Variants in PCDHA12 observed in about 807,000 individuals in gnomAD.
PCDHA12 encodes protocadherin alpha 12.
A neutral mutation model predicts 60.0 loss-of-function variants in PCDHA12; 44 were observed. The observed-to-expected ratio is 0.73, with a 90% CI of 0.58 to 0.94. PCDHA12 has a LOEUF of 0.94. PCDHA12 is among the 40% of genes least tolerant of loss of function. The pLI, the probability that PCDHA12 is intolerant of heterozygous loss-of-function variation, is 0.00. For synonymous variants in PCDHA12, 569 were observed against 553.0 expected (o/e 1.03, Z -0.40); for missense variants, 1,276 against 1,239.7 (o/e 1.03, Z -0.44).
At chr5:141,000,743 T>TA (rs527867626) in intron 3 of PCDHA12, among the ~76,000 whole-genome samples, 4,963 of 145,376 alleles carry the variant, frequency 0.034, 280 homozygotes, top group African/African-American at 0.12. Flanking sequence ...CTCTGTATAT[T>TA]AAAAAAAAAA....
intron 1 of PCDHA12, among the ~76,000 whole-genome samples, chr5:140,935,913 GACAGATTC>G (rs1178474379): frequency 8.0e-6 from 1 of 125,106 alleles, no homozygotes; most frequent in Admixed American, 8.3e-5. Context: ...TTTTTTTTGA[GACAGATTC>G]TCATTCTGTT....
Position 140,904,868 on chromosome 5 carries a change from C to T in PCDHA12, c.2367+27029C>T, listed in dbSNP as rs188578381. 2.9e-3 allele frequency among the ~76,000 whole-genome samples: 446 copies of T among 152,022 alleles called. 2 individuals are homozygous for T. Among genetic ancestry groups the T allele is most frequent in the Middle Eastern group, 0.014 (4 of 294 alleles). Reference sequence around the variant, plus strand: ...TCTTCTGAGAATTGTCTGTTTATGTCCTTAGCTCACTTTTTGATGGGATTT... The same window carrying T: ...TCTTCTGAGAATTGTCTGTTTATGTTCTTAGCTCACTTTTTGATGGGATTT... On this transcript the variant is annotated intron_variant, in intron 1 of 3. Transcript: ENST00000398631.
At chr5:140,958,495 C>A (rs559117374) in intron 1 of PCDHA12, among the ~76,000 whole-genome samples, 1 of 152,020 alleles carries the variant, frequency 6.6e-6, no homozygotes, top group Non-Finnish European at 1.5e-5. Flanking sequence ...TCCACATATC[C>A]TAGGAGGCAT....
At position 140,883,032 on chromosome 5, in the gene PCDHA12, C is replaced by G. The variant is rs2153389895; in HGVS notation, c.2367+5193C>G. The G allele has an allele frequency of 6.2e-6, 10 of 1,614,064 alleles. No individual in the cohort carries two copies. The South Asian group carries it at 8.8e-5, about 14-fold the overall frequency. ...TATAAAGTGACGGTGTTAGAGAACG[C>G]CTTCAATGGAACATTAGTGATCAAG... On this transcript the variant is annotated intron_variant, in intron 1 of 3. Transcript: ENST00000398631.
intron 1 of PCDHA12, among the ~76,000 whole-genome samples, chr5:140,891,306 A>G (rs1452305510): frequency 6.6e-6 from 1 of 152,034 alleles, no homozygotes; most frequent in African/African-American, 2.4e-5. Flanking sequence ...ATTTGATTAC[A>G]TGAGTAAGTT....
intron 1 of PCDHA12, among the ~76,000 whole-genome samples, chr5:140,922,269 T>C (rs782114145): frequency 1.3e-5 from 2 of 152,214 alleles, no homozygotes; most frequent in Non-Finnish European, 2.9e-5. Context: ...GCCATGAAGA[T>C]TGGACCAAGA....
intron 1 of PCDHA12, among the ~76,000 whole-genome samples, chr5:140,924,565 T>A (rs1213361312): frequency 2.0e-5 from 3 of 152,102 alleles, no homozygotes; most frequent in Admixed American, 2.0e-4. Flanking sequence ...TAATCAGCAA[T>A]TTTTAAATGT....
Position 140,881,357 on chromosome 5 carries a change from CT to C in PCDHA12, c.2367+3521del, listed in dbSNP as rs1486951603. 3.0e-6 allele frequency: 3 copies of C among 985,228 alleles called. No homozygotes were observed. The African/African-American group carries it at 5.2e-5, about 17-fold the overall frequency. 61.0% of individuals were successfully genotyped at this position (985,228 alleles called of 1,614,324 possible). A position where few individuals can be genotyped will look rare whatever the true frequency, so the allele number is the denominator to read the frequency against. ...CGCCGATTCGGGCTACAATGCGTGG[CT>C]TTCGTATGAATTGCAGCCGGCGGCG... On this transcript the variant is annotated intron_variant, in intron 1 of 3. Coordinates refer to ENST00000398631, the MANE Select transcript of PCDHA12 (RefSeq NM_018903.4).
chr5:140,967,140 C>T (rs781814682), intron 1 of PCDHA12: 4 of 1,611,022 alleles, frequency 2.5e-6, no homozygotes, highest in East Asian at 2.2e-5. Flanking sequence ...GAAGTGCTGG[C>T]GCACAACCCC....
At chr5:140,882,944 G>A (rs2059374287) in intron 1 of PCDHA12, 2 of 1,614,088 alleles carry the variant, frequency 1.2e-6, no homozygotes, top group Non-Finnish European at 8.5e-7. Flanking sequence ...GACTGGCACA[G>A]TTCAGCTGCT....
Position 140,877,583 on chromosome 5 carries a change from T to A in PCDHA12, c.2111T>A (p.Ile704Asn), listed in dbSNP as rs782090888. The stretch of plus-strand genomic sequence containing the variant: ...ATTAACGTGTACCTCATCATCGCCA[T>A]CTGTGCGGTGTCCAGCCTGCTGGTG... ...VDINVYLIIAICAVSSLLVLT... is the reference protein window; with the variant it reads ...VDINVYLIIANCAVSSLLVLT... The change falls in exon 1 of 4, where the codon ATC becomes AAC. Residue 704 changes from isoleucine (I) to asparagine (N), a missense_variant. Ile to Asn is a moderately radical substitution (Grantham distance 149, BLOSUM62 -3). Coordinates refer to ENST00000398631, the MANE Select transcript of PCDHA12 (RefSeq NM_018903.4). 1.2e-6 allele frequency: 2 copies of A among 1,613,816 alleles called. No homozygotes were observed. Among genetic ancestry groups the A allele is most frequent in the East Asian group, 4.5e-5 (2 of 44,874 alleles).
intron 3 of PCDHA12, among the ~76,000 whole-genome samples, chr5:140,999,166 A>G (rs2097849848): frequency 6.6e-6 from 1 of 152,190 alleles, no homozygotes; most frequent in South Asian, 2.1e-4. Context: ...CTAGAAGGAA[A>G]AGAGCCTGAT....
chr5:140,924,900 A>T (rs622703), intron 1 of PCDHA12, among the ~76,000 whole-genome samples: 5 of 63,248 alleles, frequency 7.9e-5, no homozygotes, highest in Admixed American at 1.7e-4. Flanking sequence ...GTCTCAAAAA[A>T]AAAAATAAAA....
chr5:140,935,985 C>G (rs155825), intron 1 of PCDHA12, among the ~76,000 whole-genome samples: 1 of 150,926 alleles, frequency 6.6e-6, no homozygotes, highest in Admixed American at 6.6e-5. Context: ...CTCTGCCTCC[C>G]GGGTTCAAGC....
chr5:140,950,569 T>G (rs969438550), intron 1 of PCDHA12, among the ~76,000 whole-genome samples: 2 of 152,120 alleles, frequency 1.3e-5, no homozygotes, highest in African/African-American at 4.8e-5. Context: ...TATTTTAAGG[T>G]TTTCTACTTA....
chr5:140,994,263 C>G (rs1329526022), intron 3 of PCDHA12, among the ~76,000 whole-genome samples: 1 of 152,160 alleles, frequency 6.6e-6, no homozygotes, highest in African/African-American at 2.4e-5. Flanking sequence ...ATAAGGTAAG[C>G]TAGGCTGCCT....
intron 1 of PCDHA12, among the ~76,000 whole-genome samples, chr5:140,953,840 G>C (rs1429646408): frequency 6.6e-6 from 1 of 152,072 alleles, no homozygotes; most frequent in African/African-American, 2.4e-5. Flanking sequence ...TTGTTACCCA[G>C]GTAAACATGT....
chr5:140,877,156 G>A lies in PCDHA12; in HGVS notation c.1684G>A (p.Ala562Thr), dbSNP rs1471783281. The change falls in exon 1 of 4, where the codon GCG becomes ACG. Residue 562 changes from alanine (A) to threonine (T), a missense_variant. Transcript: ENST00000398631. Reference sequence around the variant, plus strand: ...GTTCGTGCTGGACGAGAACGACAACGCGCCGGCACTGCTGGCGACTCCGGC... The same window carrying A: ...GTTCGTGCTGGACGAGAACGACAACACGCCGGCACTGCTGGCGACTCCGGC... ...QVFVLDENDNAPALLATPAGS... is the reference protein window; with the variant it reads ...QVFVLDENDNTPALLATPAGS... The A allele has an allele frequency of 6.2e-7, 1 of 1,613,692 alleles. No individual in the cohort carries two copies. The highest frequency in any genetic ancestry group is 1.7e-5 in the Admixed American group (1 of 59,994).
chr5:140,903,086 C>T lies in PCDHA12; in HGVS notation c.2367+25247C>T, dbSNP rs534457835. 2.6e-5 allele frequency among the ~76,000 whole-genome samples: 4 copies of T among 152,260 alleles called. No homozygotes were observed. In the East Asian group the frequency reaches 7.7e-4, roughly 29 times the overall value. ...CCTTTGGGTAGATACCTGATAGTGGCATTGCTGGATCAAATAATAGCTCTA... is the reference window on the plus strand; with the variant it reads ...CCTTTGGGTAGATACCTGATAGTGGTATTGCTGGATCAAATAATAGCTCTA... On this transcript the variant is annotated intron_variant, in intron 1 of 3. Transcript: ENST00000398631.
Sources: gnomAD v4.1 joint callset for allele counts (sites outside exome capture counted in the v4.1 genomes callset) on GRCh38, gnomAD v4.1.1 for gene constraint, MANE v1.5 for transcripts, NCBI Gene and HGNC (gene_info 2026-07-23, HGNC 2026-07-21) for gene names.